Variants in RARS2 observed in about 807,000 individuals in gnomAD.
RARS2 encodes the protein probable arginine--tRNA ligase, mitochondrial.
In RARS2, 67 loss-of-function variants were observed where a neutral mutation model predicts 88.5. The observed-to-expected ratio is 0.76, with a 90% CI of 0.62 to 0.93. The LOEUF (loss-of-function observed/expected upper bound fraction) is 0.93, where lower values mean the gene tolerates loss of function less well. Among genes scored for constraint, RARS2 ranks in the 40% least tolerant of loss-of-function variants. RARS2 has a pLI of 0.00. For missense variants in RARS2, 664 were observed against 684.2 expected (o/e 0.97, Z 0.33); for synonymous variants, 239 against 230.3 (o/e 1.04, Z -0.34).
intron 8 of RARS2, among the ~76,000 whole-genome samples, chr6:87,540,697 G>A (rs574228121): frequency 3.3e-5 from 5 of 152,180 alleles, no homozygotes; most frequent in African/African-American, 1.2e-4. Context: ...GCCCAGAAAC[G>A]GCAGAGATAA....
Position 87,514,370 on chromosome 6 carries a change from A to G in RARS2, c.*43T>C. 7.3e-7 allele frequency: 1 copy of G among 1,373,486 alleles called. No homozygotes were observed. The highest frequency in any genetic ancestry group is 1.2e-5 in the South Asian group (1 of 86,180). The allele number at this position is 1,373,486 out of a possible 1,614,324, so 85.1% of individuals were successfully genotyped here. A position where few individuals can be genotyped will look rare whatever the true frequency, so the allele number is the denominator to read the frequency against. On this transcript the variant is annotated 3_prime_UTR_variant, in exon 20 of 20. Transcript: ENST00000369536. ...AACAGCAAGGCATCTCAGAATAGAT[A>G]ACTAGAATTCACTTGACATTTTAAA...
At chr6:87,515,178 A>G (rs950318866) in intron 18 of RARS2, among the ~76,000 whole-genome samples, 158 bp from the exon 19 acceptor site, 1 of 152,216 alleles carries the variant, frequency 6.6e-6, no homozygotes, top group Non-Finnish European at 1.5e-5. Context: ...TTCAAAACTC[A>G]AGCTTTAGAT....
At chr6:87,524,093 T>C (rs1344944580) in intron 11 of RARS2, among the ~76,000 whole-genome samples, 1 of 152,212 alleles carries the variant, frequency 6.6e-6, no homozygotes, top group Non-Finnish European at 1.5e-5. Flanking sequence ...TAATATAAAA[T>C]TCTGGCCTGG....
At chr6:87,541,395 T>C (rs1253156127) in intron 8 of RARS2, among the ~76,000 whole-genome samples, 1 of 152,206 alleles carries the variant, frequency 6.6e-6, no homozygotes, top group African/African-American at 2.4e-5. Flanking sequence ...CAAACTGGTC[T>C]TGAACTCCTG....
At chr6:87,568,360 C>G (rs1215049908) in intron 2 of RARS2, among the ~76,000 whole-genome samples, 1 of 152,098 alleles carries the variant, frequency 6.6e-6, no homozygotes, top group African/African-American at 2.4e-5. Flanking sequence ...GTCAGCCAGG[C>G]ATAGTGGCGT....
intron 4 of RARS2, among the ~76,000 whole-genome samples, chr6:87,558,262 C>A (rs982606225): frequency 3.3e-5 from 5 of 151,832 alleles, no homozygotes; most frequent in Non-Finnish European, 7.4e-5. Flanking sequence ...AGGCATTTCA[C>A]AGAAAATACA....
intron 8 of RARS2, among the ~76,000 whole-genome samples, chr6:87,536,364 T>C (rs1779171252): frequency 6.6e-6 from 1 of 152,030 alleles, no homozygotes; most frequent in Non-Finnish European, 1.5e-5. Context: ...TGCCTGGGCG[T>C]GGTGGCTCAC....
intron 6 of RARS2, among the ~76,000 whole-genome samples, chr6:87,546,593 A>G (rs1292093136): frequency 1.3e-5 from 2 of 152,180 alleles, no homozygotes; most frequent in Non-Finnish European, 2.9e-5. Context: ...AGTGCAAGGG[A>G]TTGCAGAAGA....
chr6:87,552,563 C>T (rs1004501684), intron 5 of RARS2, among the ~76,000 whole-genome samples: 2 of 152,122 alleles, frequency 1.3e-5, no homozygotes, highest in Non-Finnish European at 2.9e-5. Flanking sequence ...AGCAAATTAA[C>T]TGCCATACAA....
chr6:87,577,636 A>C lies in RARS2; in HGVS notation c.37-8046T>G, dbSNP rs191670960. On this transcript the variant is annotated intron_variant, in intron 1 of 19. Transcript: ENST00000369536. ...GAAAAAGATTGGTGGTAAGCATCTTATCTGGTTCAACATAAAATGAACAGT... is the reference window on the plus strand; with the variant it reads ...GAAAAAGATTGGTGGTAAGCATCTTCTCTGGTTCAACATAAAATGAACAGT... Among the ~76,000 whole-genome samples, 258 of 152,362 alleles carry C rather than the reference A, an allele frequency of 1.7e-3. 2 individuals are homozygous for C. Among genetic ancestry groups the C allele is most frequent in the African/African-American group, 6.0e-3 (249 of 41,588 alleles).
intron 8 of RARS2, among the ~76,000 whole-genome samples, chr6:87,533,823 G>A (rs750542149): frequency 5.3e-5 from 8 of 152,138 alleles, no homozygotes; most frequent in Non-Finnish European, 1.0e-4. Context: ...AGTATGATAA[G>A]CCTTTCTTAT....
intron 17 of RARS2, among the ~76,000 whole-genome samples, chr6:87,517,461 GT>G (rs1019379673): frequency 1.3e-5 from 2 of 152,256 alleles, no homozygotes; most frequent in Admixed American, 6.5e-5. Flanking sequence ...CTCCAGCCAT[GT>G]TTAAGAATAT....
intron 10 of RARS2, among the ~76,000 whole-genome samples, chr6:87,526,214 G>A (rs1184740017): frequency 6.6e-6 from 1 of 152,002 alleles, no homozygotes; most frequent in African/African-American, 2.4e-5. Context: ...AAGCAATATT[G>A]AGCAAAAAGA....
At chr6:87,518,499 G>T (rs990991439) in intron 16 of RARS2, 131 bp downstream of exon 16, 165 of 1,257,806 alleles carry the variant, frequency 1.3e-4, no homozygotes, top group Non-Finnish European at 1.8e-4. Flanking sequence ...CTAAAAGAAG[G>T]TCTACTCTAG....
intron 1 of RARS2, 84 bp downstream of exon 1, chr6:87,589,838 G>A: frequency 6.2e-7 from 1 of 1,613,780 alleles, no homozygotes; most frequent in South Asian, 1.1e-5. Flanking sequence ...CCCTCCAGCT[G>A]ACTGAGGACT....
intron 4 of RARS2, among the ~76,000 whole-genome samples, chr6:87,557,740 A>G (rs557596157): frequency 2.0e-5 from 3 of 152,244 alleles, no homozygotes; most frequent in Admixed American, 2.0e-4. Context: ...GTAAAGACAC[A>G]ATTCTCTCTC....
intron 8 of RARS2, among the ~76,000 whole-genome samples, chr6:87,536,171 AG>A (rs201500797): frequency 6.7e-6 from 1 of 149,766 alleles, no homozygotes. Context: ...GCAAAAAAAA[AG>A]GTTAATATGC....
At position 87,535,447 on chromosome 6, in the gene RARS2, A is replaced by T. The variant is rs1006312186; in HGVS notation, c.613-4505T>A. Among the ~76,000 whole-genome samples the T allele has an allele frequency of 1.9e-4, 29 of 151,724 alleles. 1 individual carries two copies. The highest frequency in any genetic ancestry group is 6.8e-4 in the African/African-American group (28 of 41,414). On this transcript the variant is annotated intron_variant, in intron 8 of 19. Coordinates refer to ENST00000369536, the MANE Select transcript of RARS2 (RefSeq NM_020320.5). Reference sequence around the variant, plus strand: ...CTTTGATCTTGTCCTATTTAAAAAAATTTTTTTTTGCCTACTGATATGGGG... The same window carrying T: ...CTTTGATCTTGTCCTATTTAAAAAATTTTTTTTTTGCCTACTGATATGGGG...
chr6:87,516,741 A>G (rs1053490493), intron 18 of RARS2, 65 bp downstream of exon 18: 4 of 1,595,102 alleles, frequency 2.5e-6, no homozygotes, highest in Non-Finnish European at 3.4e-6. Flanking sequence ...TTTACAGGAA[A>G]CCTTTAGATG....
Sources: gnomAD v4.1 joint callset for allele counts (sites outside exome capture counted in the v4.1 genomes callset) on GRCh38, gnomAD v4.1.1 for gene constraint, MANE v1.5 for transcripts, NCBI Gene and HGNC (gene_info 2026-07-23, HGNC 2026-07-21) for gene names.